The following RBFOX1 variants were observed in gnomAD, a reference collection of about 807,000 sequenced individuals.
RBFOX1 encodes RNA binding fox-1 homolog 1, also known as RNA binding protein fox-1 homolog 1.
In RBFOX1, 8 loss-of-function variants were observed where a neutral mutation model predicts 57.7. That is an observed-to-expected ratio of 0.14 (90% CI 0.08 to 0.25). The LOEUF is 0.25. RBFOX1 is among the 10% of genes least tolerant of loss of function. The pLI is 1.00. For synonymous variants in RBFOX1, 326 were observed against 222.4 expected, an observed-to-expected ratio of 1.47 and a Z score of -4.15; for missense variants, 611 against 548.5, an observed-to-expected ratio of 1.11 and a Z score of -1.14.
chr16:5,766,648 G>T (rs116143178), intron 3 of RBFOX1, among the ~76,000 whole-genome samples: 1 of 152,058 alleles, frequency 6.6e-6, no homozygotes, highest in Admixed American at 6.6e-5. Context: ...CTACCATGAG[G>T]ACAGCACCAA....
chr16:5,515,981 C>G (rs531643482), intron 2 of RBFOX1, among the ~76,000 whole-genome samples: 1 of 152,268 alleles, frequency 6.6e-6, no homozygotes, highest in Admixed American at 6.5e-5. Flanking sequence ...CAGAGAGCAC[C>G]AGAGCGTATT....
chr16:7,565,069 G>C (rs2091349163), intron 5 of RBFOX1, among the ~76,000 whole-genome samples: 1 of 152,182 alleles, frequency 6.6e-6, no homozygotes, highest in Non-Finnish European at 1.5e-5. Context: ...CAGGAAGCTG[G>C]GAGGATCTGC....
At chr16:7,076,471 C>G (rs1250583554) in intron 4 of RBFOX1, among the ~76,000 whole-genome samples, 1 of 152,042 alleles carries the variant, frequency 6.6e-6, no homozygotes, top group Non-Finnish European at 1.5e-5. Context: ...TACCAGATTT[C>G]TTGGTGGAAG....
chr16:6,623,443 C>CTT lies in RBFOX1; in HGVS notation c.-63-31148_-63-31147dup, dbSNP rs57896155. Among the ~76,000 whole-genome samples, 204 of 149,274 alleles carry CTT rather than the reference C, an allele frequency of 1.4e-3. 1 individual carries two copies. The highest frequency in any genetic ancestry group is 6.9e-3 in the Middle Eastern group (2 of 288). ...TGCTGCATATTGTTAGGTGAAAATT[C>CTT]TTTTTTTTTTTTTATTATACTTTAA... On this transcript the variant is annotated intron_variant, in intron 2 of 15. Transcript: ENST00000550418.
At chr16:6,906,508 A>C (rs868254601) in intron 3 of RBFOX1, among the ~76,000 whole-genome samples, 1 of 152,164 alleles carries the variant, frequency 6.6e-6, no homozygotes, top group Admixed American at 6.5e-5. Flanking sequence ...AAGTGAGTTT[A>C]TATAACCGCA....
At chr16:6,229,337 G>A (rs1031497290) in intron 1 of RBFOX1, among the ~76,000 whole-genome samples, 1 of 152,150 alleles carries the variant, frequency 6.6e-6, no homozygotes, top group African/African-American at 2.4e-5. Context: ...TCCTCTGCAC[G>A]CAGTGCAGAA....
chr16:6,731,901 TG>T (rs1031560315), intron 3 of RBFOX1, among the ~76,000 whole-genome samples: 6 of 152,190 alleles, frequency 3.9e-5, no homozygotes, highest in African/African-American at 1.4e-4. Flanking sequence ...GGTCTTCCTA[TG>T]TTTTCTTGCA....
chr16:7,147,628 G>A (rs1487371924), intron 4 of RBFOX1, among the ~76,000 whole-genome samples: 3 of 152,064 alleles, frequency 2.0e-5, no homozygotes, highest in African/African-American at 7.2e-5. Context: ...CTGCATTCAC[G>A]TTGCTGCAAT....
intron 3 of RBFOX1, among the ~76,000 whole-genome samples, chr16:5,722,727 A>C (rs1331319260): frequency 2.0e-5 from 3 of 152,196 alleles, no homozygotes; most frequent in Non-Finnish European, 4.4e-5. Context: ...GGCTTCATGG[A>C]TACCATTCTA....
chr16:7,050,629 T>A (rs895014943), intron 3 of RBFOX1, among the ~76,000 whole-genome samples: 11 of 152,204 alleles, frequency 7.2e-5, no homozygotes, highest in African/African-American at 2.7e-4. Context: ...AACCATAATA[T>A]TGTATATTTC....
At chr16:6,712,329 G>A (rs1861039) in intron 3 of RBFOX1, among the ~76,000 whole-genome samples, 1 of 152,114 alleles carries the variant, frequency 6.6e-6, no homozygotes, top group African/African-American at 2.4e-5. Context: ...ACCCATTTGC[G>A]CATGTGTGCC....
At chr16:5,321,443 C>G (rs1468774437) in intron 1 of RBFOX1, among the ~76,000 whole-genome samples, 1 of 152,142 alleles carries the variant, frequency 6.6e-6, no homozygotes, top group Non-Finnish European at 1.5e-5. Flanking sequence ...CCTCAGCCTC[C>G]CGAGTAGCTG....
chr16:7,133,477 A>G (rs921691449), intron 4 of RBFOX1, among the ~76,000 whole-genome samples: 1 of 152,158 alleles, frequency 6.6e-6, no homozygotes, highest in African/African-American at 2.4e-5. Flanking sequence ...TTTAGAGGCA[A>G]TTCAGTAATT....
chr16:7,503,314 A>G (rs1275930217), intron 4 of RBFOX1, among the ~76,000 whole-genome samples: 1 of 152,136 alleles, frequency 6.6e-6, no homozygotes, highest in East Asian at 1.9e-4. Context: ...TTTTCTTTGT[A>G]TGTATAAGGA....
chr16:6,393,632 C>A (rs2092700463), intron 2 of RBFOX1, among the ~76,000 whole-genome samples: 1 of 152,118 alleles, frequency 6.6e-6, no homozygotes, highest in South Asian at 2.1e-4. Context: ...TGTTGCTGAC[C>A]TCCTCCCACT....
chr16:6,137,530 T>C (rs2096675460), intron 1 of RBFOX1, among the ~76,000 whole-genome samples: 2 of 151,746 alleles, frequency 1.3e-5, no homozygotes, highest in Non-Finnish European at 2.9e-5. Flanking sequence ...GGTCTCGAGC[T>C]CCTGACCTCA....
chr16:7,318,132 G>C (rs2096479764), intron 4 of RBFOX1, among the ~76,000 whole-genome samples: 1 of 151,810 alleles, frequency 6.6e-6, no homozygotes, highest in Non-Finnish European at 1.5e-5. Context: ...TGATGGTGAT[G>C]TAGTGGTGAT....
At chr16:5,316,338 C>T (rs147977090) in intron 1 of RBFOX1, among the ~76,000 whole-genome samples, 301 of 152,294 alleles carry the variant, frequency 2.0e-3, no homozygotes, top group African/African-American at 6.7e-3. Context: ...ATGTGATGGC[C>T]AAGTTTGTCT....
At chr16:7,258,271 T>C (rs927170256) in intron 4 of RBFOX1, among the ~76,000 whole-genome samples, 1 of 152,330 alleles carries the variant, frequency 6.6e-6, no homozygotes, top group Middle Eastern at 3.4e-3. Flanking sequence ...TATTAATTAT[T>C]CTAGTCACTT....
Sources: gnomAD v4.1 joint callset for allele counts (sites outside exome capture counted in the v4.1 genomes callset) on GRCh38, gnomAD v4.1.1 for gene constraint, MANE v1.5 for transcripts, NCBI Gene and HGNC (gene_info 2026-07-23, HGNC 2026-07-21) for gene names.